Variants in CD44 observed in about 807,000 individuals in gnomAD.
CD44 encodes the protein CD44 molecule (IN blood group), also known as CD44 antigen.
In CD44, 49 loss-of-function variants were observed where a neutral mutation model predicts 88.8. That is an observed-to-expected ratio of 0.55 (90% confidence interval 0.44 to 0.70). The LOEUF is 0.70. Ranked by LOEUF, CD44 falls within the 30% of genes least tolerant of loss-of-function variation. CD44 has a pLI of 0.00. For synonymous variants in CD44, 325 were observed against 312.3 expected (o/e 1.04, Z -0.43); for missense variants, 883 against 913.8 (o/e 0.97, Z 0.43).
chr11:35,148,923 C>T (rs566883186), intron 1 of CD44, among the ~76,000 whole-genome samples: 53 of 152,106 alleles, frequency 3.5e-4, no homozygotes, highest in African/African-American at 1.2e-3. Context: ...TTCTCTATTG[C>T]TACTTGTAGC....
intron 1 of CD44, among the ~76,000 whole-genome samples, chr11:35,151,208 G>T (rs1262001866): frequency 6.6e-6 from 1 of 152,098 alleles, no homozygotes; most frequent in Non-Finnish European, 1.5e-5. Flanking sequence ...TGGGGCCAGG[G>T]GAGGGGTCTG....
chr11:35,179,795 A>G (rs1944815945), intron 2 of CD44, among the ~76,000 whole-genome samples: 1 of 152,176 alleles, frequency 6.6e-6, no homozygotes, highest in South Asian at 2.1e-4. Context: ...AAGTGGGGGA[A>G]TGGGACATGA....
intron 1 of CD44, among the ~76,000 whole-genome samples, chr11:35,164,983 C>T (rs926340737): frequency 2.6e-5 from 4 of 152,172 alleles, no homozygotes; most frequent in African/African-American, 9.7e-5. Context: ...GCCATCGTCA[C>T]TTTGATTGGC....
chr11:35,208,671 C>A (rs1482584074), intron 12 of CD44, among the ~76,000 whole-genome samples: 1 of 152,120 alleles, frequency 6.6e-6, no homozygotes, highest in African/African-American at 2.4e-5. Flanking sequence ...AGAGGCAAGG[C>A]ATGTTATTGA....
intron 17 of CD44, among the ~76,000 whole-genome samples, chr11:35,227,187 G>C (rs1565168951): frequency 6.6e-6 from 1 of 151,380 alleles, no homozygotes; most frequent in Non-Finnish European, 1.5e-5. Context: ...ATTGTGCCTG[G>C]TCTCTTTTTC....
intron 5 of CD44, among the ~76,000 whole-genome samples, chr11:35,193,926 C>T (rs1025299268): frequency 1.3e-5 from 2 of 152,294 alleles, no homozygotes; most frequent in Middle Eastern, 3.4e-3. Context: ...TGAAGTTTGA[C>T]CTGAGGCTGA....
chr11:35,222,611 A>T, intron 17 of CD44: 1 of 630,982 alleles, frequency 1.6e-6, no homozygotes, highest in Non-Finnish European at 2.0e-6. Flanking sequence ...ATATATATAT[A>T]TATATACACA....
In CD44 at chr11:35,229,157, A is replaced by C. The variant is rs1949931574; in HGVS notation, c.2053A>C (p.Asn685His). The C allele has an allele frequency of 3.1e-6, 5 of 1,613,932 alleles. No individual in the cohort carries two copies. Among genetic ancestry groups the C allele is most frequent in the Non-Finnish European group, 2.5e-6 (3 of 1,179,938 alleles). The change falls in exon 18 of 18, where the codon AAC becomes CAC. Residue 685 changes from asparagine (N) to histidine (H), a missense_variant. Around this residue, in one of 2 missense-constraint regions of CD44, gnomAD observed 631 missense variants for 590.9 expected, o/e 1.07. Coordinates refer to ENST00000428726, the MANE Select transcript of CD44 (RefSeq NM_000610.4). ...RCGQKKKLVI[N>H]SGNGAVEDRK... ...TGGGCAGAAGAAAAAGCTAGTGATC[A>C]ACAGTGGCAATGGAGCTGTGGAGGA...
intron 15 of CD44, 181 bp from the exon 16 acceptor site, chr11:35,219,135 T>G (rs2134322832): frequency 1.7e-6 from 1 of 602,670 alleles, no homozygotes; most frequent in East Asian, 2.8e-5. Flanking sequence ...AGCCTTAGCC[T>G]TAATCAAATG....
chr11:35,143,694 C>T (rs533593503), intron 1 of CD44, among the ~76,000 whole-genome samples: 2 of 150,084 alleles, frequency 1.3e-5, no homozygotes, highest in South Asian at 4.2e-4. Flanking sequence ...CTCTCCATCC[C>T]CGGCAGGCTG....
At chr11:35,227,958 G>A (rs779032870) in intron 17 of CD44, among the ~76,000 whole-genome samples, 50 of 152,210 alleles carry the variant, frequency 3.3e-4, no homozygotes, top group Admixed American at 7.9e-4. Flanking sequence ...GGGAACAATA[G>A]CTGCTTTGAA....
chr11:35,206,985 A>G (rs866658670), intron 11 of CD44, among the ~76,000 whole-genome samples: 3 of 152,378 alleles, frequency 2.0e-5, no homozygotes, highest in Non-Finnish European at 4.4e-5. Flanking sequence ...GAACATGTCA[A>G]GGACAATACA....
intron 1 of CD44, among the ~76,000 whole-genome samples, chr11:35,161,527 G>T (rs1288311708): frequency 6.6e-6 from 1 of 152,210 alleles, no homozygotes; most frequent in Non-Finnish European, 1.5e-5. Flanking sequence ...CGTTCAGAGG[G>T]CTTGGGAGTG....
At chr11:35,212,690 T>C (rs1011801457) in intron 14 of CD44, 6 of 152,154 alleles carry the variant, frequency 3.9e-5, no homozygotes, top group African/African-American at 1.4e-4. Context: ...CCCCTTACAC[T>C]CCTTAGTTCT....
intron 5 of CD44, among the ~76,000 whole-genome samples, chr11:35,191,500 G>A (rs1028884710): frequency 3.9e-5 from 6 of 152,180 alleles, no homozygotes; most frequent in Admixed American, 6.5e-5. Flanking sequence ...CAAGCGGGCC[G>A]TGCTGCTAGC....
Position 35,196,741 on chromosome 11 carries a change from A to G in CD44, c.668-5A>G, listed in dbSNP as rs1365009499. The stretch of plus-strand genomic sequence containing the variant: ...CAACAATCAATTCAATCATGATTAC[A>G]ACAGCTTTGATGAGCACTAGTGCTA... On this transcript the variant is annotated splice_region_variant and splice_polypyrimidine_tract_variant and intron_variant, in intron 5 of 17. Transcript: ENST00000428726. 6.2e-7 allele frequency: 1 copy of G among 1,613,616 alleles called. No homozygotes were observed. The highest frequency in any genetic ancestry group is 8.5e-7 in the Non-Finnish European group (1 of 1,179,644).
chr11:35,176,723 C>G lies in CD44; in HGVS notation c.216C>G (p.Ile72Met), dbSNP rs756890802. Residue 72 changes from isoleucine to methionine, a missense_variant, in exon 2 of 18, where the codon ATC becomes ATG. Ile to Met is a conservative substitution (Grantham distance 10). Transcript: ENST00000428726. ...CCCAGATGGAGAAAGCTCTGAGCAT[C>G]GGATTTGAGACCTGCAGGTAAGAGA... is the stretch of plus-strand genomic sequence containing the variant. Reference protein sequence around the residue: ...TMAQMEKALSIGFETCRYGFI... With the variant: ...TMAQMEKALSMGFETCRYGFI... The G allele has an allele frequency of 1.5e-5, 25 of 1,613,882 alleles. No individual in the cohort carries two copies. In the South Asian group the frequency reaches 2.7e-4, roughly 18 times the overall value.
intron 1 of CD44, among the ~76,000 whole-genome samples, chr11:35,160,890 G>A (rs146188570): frequency 2.0e-5 from 3 of 152,270 alleles, no homozygotes; most frequent in Non-Finnish European, 4.4e-5. Flanking sequence ...TCCTTAGAAT[G>A]GTGTTTTATA....
At chr11:35,227,275 T>A (rs887206355) in intron 17 of CD44, among the ~76,000 whole-genome samples, 6 of 152,152 alleles carry the variant, frequency 3.9e-5, no homozygotes, top group African/African-American at 1.4e-4. Context: ...AGCCTCGACT[T>A]CCTGGGCTCA....
Sources: allele counts gnomAD v4.1 joint callset (sites outside exome capture counted in the v4.1 genomes callset), GRCh38; gene constraint gnomAD v4.1.1; regional missense constraint gnomAD v4.1.1; transcripts MANE v1.5; gene names NCBI Gene and HGNC (gene_info 2026-07-23, HGNC 2026-07-21).